Variants in TMEM178B observed in about 807,000 individuals in gnomAD.
The protein encoded by TMEM178B is transmembrane protein 178B.
Under a neutral mutation model 31.0 loss-of-function variants are expected in TMEM178B, and 5 were observed. The observed-to-expected ratio is 0.16, with a 90% confidence interval of 0.08 to 0.34. TMEM178B has a LOEUF of 0.34. TMEM178B is among the 10% of genes least tolerant of loss of function. The probability of loss-of-function intolerance (pLI) is 1.00; values close to 1 mark genes in which losing one functional copy is unlikely to be tolerated. For missense variants in TMEM178B, 275 were observed against 400.3 expected (o/e 0.69, Z 2.67); for synonymous variants, 164 against 164.0 (o/e 1.00, Z 0.00).
chr7:141,236,983 G>A (rs1357600871), intron 2 of TMEM178B, among the ~76,000 whole-genome samples: 1 of 152,196 alleles, frequency 6.6e-6, no homozygotes, highest in Non-Finnish European at 1.5e-5. Context: ...AATGCATAAA[G>A]GATGTGAACA....
At chr7:141,204,063 G>A (rs750320277) in intron 1 of TMEM178B, among the ~76,000 whole-genome samples, 6 of 152,174 alleles carry the variant, frequency 3.9e-5, no homozygotes, top group South Asian at 2.1e-4. Context: ...GTACCAGTTC[G>A]TTTTTCAAGC....
At chr7:141,434,775 C>G (rs975201258) in intron 2 of TMEM178B, among the ~76,000 whole-genome samples, 1 of 152,198 alleles carries the variant, frequency 6.6e-6, no homozygotes, top group Non-Finnish European at 1.5e-5. Context: ...TTCATCCACA[C>G]CCGTCCCAGC....
intron 3 of TMEM178B, among the ~76,000 whole-genome samples, chr7:141,456,006 C>T (rs1801955279): frequency 3.9e-5 from 6 of 152,240 alleles, no homozygotes. Context: ...GACACTTAAA[C>T]AGCTGGGGCC....
chr7:141,372,365 A>C (rs1452529618), intron 2 of TMEM178B, among the ~76,000 whole-genome samples: 1 of 152,174 alleles, frequency 6.6e-6, no homozygotes, highest in African/African-American at 2.4e-5. Flanking sequence ...CATGCAGGCC[A>C]GGTGCGCTCT....
chr7:141,197,659 G>A (rs1796805541), intron 1 of TMEM178B, among the ~76,000 whole-genome samples: 2 of 152,100 alleles, frequency 1.3e-5, no homozygotes, highest in South Asian at 4.1e-4. Context: ...TTGAGATGGA[G>A]TCTCACTGTC....
At chr7:141,155,862 C>T (rs540733220) in intron 1 of TMEM178B, among the ~76,000 whole-genome samples, 1 of 152,158 alleles carries the variant, frequency 6.6e-6, no homozygotes, top group African/African-American at 2.4e-5. Flanking sequence ...GTCAGGAATT[C>T]GAGACCAGCC....
chr7:141,306,699 C>T (rs557474268), intron 2 of TMEM178B, among the ~76,000 whole-genome samples: 22 of 151,304 alleles, frequency 1.5e-4, no homozygotes, highest in Non-Finnish European at 2.7e-4. Flanking sequence ...CTAAAAGCCT[C>T]GTCTTTGCTG....
chr7:141,128,075 C>A (rs1169053711), intron 1 of TMEM178B, among the ~76,000 whole-genome samples: 1 of 152,130 alleles, frequency 6.6e-6, no homozygotes, highest in Non-Finnish European at 1.5e-5. Context: ...AAATTATTGT[C>A]CCCTTACTGA....
At chr7:141,372,956 G>A (rs1800145846) in intron 2 of TMEM178B, among the ~76,000 whole-genome samples, 1 of 152,154 alleles carries the variant, frequency 6.6e-6, no homozygotes, top group African/African-American at 2.4e-5. Flanking sequence ...AAAAAGGAGA[G>A]GGAAATGGCT....
At chr7:141,374,925 C>T (rs1659638584) in intron 2 of TMEM178B, among the ~76,000 whole-genome samples, 1 of 152,228 alleles carries the variant, frequency 6.6e-6, no homozygotes, top group South Asian at 2.1e-4. Flanking sequence ...ACGACACCTT[C>T]TGCATCCTCT....
intron 1 of TMEM178B, among the ~76,000 whole-genome samples, chr7:141,082,351 C>T (rs930054371): frequency 2.6e-5 from 4 of 152,172 alleles, no homozygotes; most frequent in Non-Finnish European, 5.9e-5. Context: ...TCCTAGAGGG[C>T]AGGAACTGTT....
rs559479711 is a variant in TMEM178B, at chr7:141,382,075, G to A, written c.497-55533G>A. On this transcript the variant is annotated intron_variant, in intron 2 of 3. Coordinates refer to ENST00000565468, the MANE Select transcript of TMEM178B (RefSeq NM_001195278.2). ...ATTCAACGAAGTATGATCCCTCATT[G>A]GCCCATTATTCTCCATAGGGAGAAC... is the stretch of plus-strand genomic sequence containing the variant. 1.0e-3 allele frequency among the ~76,000 whole-genome samples: 158 copies of A among 152,236 alleles called. 1 individual carries two copies. Among genetic ancestry groups the A allele is most frequent in the African/African-American group, 3.6e-3 (149 of 41,536 alleles).
intron 2 of TMEM178B, among the ~76,000 whole-genome samples, chr7:141,294,329 G>A (rs1586875785): frequency 2.6e-5 from 4 of 152,274 alleles, no homozygotes; most frequent in East Asian, 1.9e-4. Flanking sequence ...AAAAGAGAAC[G>A]CAGCCCTTCT....
chr7:141,175,995 T>C (rs1796427176), intron 1 of TMEM178B, among the ~76,000 whole-genome samples: 2 of 152,224 alleles, frequency 1.3e-5, no homozygotes, highest in South Asian at 4.1e-4. Context: ...TAATACTATG[T>C]TGAATAGGAG....
At chr7:141,328,886 G>A (rs955371410) in intron 2 of TMEM178B, among the ~76,000 whole-genome samples, 3 of 151,950 alleles carry the variant, frequency 2.0e-5, no homozygotes, top group Non-Finnish European at 4.4e-5. Context: ...GAGGCTCAGA[G>A]AGTTTCTGTG....
intron 2 of TMEM178B, among the ~76,000 whole-genome samples, chr7:141,221,834 G>C (rs540338943): frequency 2.6e-5 from 4 of 152,222 alleles, no homozygotes; most frequent in Non-Finnish European, 5.9e-5. Flanking sequence ...TCCTACCAGC[G>C]TCAAGGGCAG....
chr7:141,444,761 C>G (rs1419364048), intron 3 of TMEM178B, among the ~76,000 whole-genome samples: 1 of 152,104 alleles, frequency 6.6e-6, no homozygotes, highest in Non-Finnish European at 1.5e-5. Context: ...ACCCAGCCTG[C>G]TTTCTTGCAT....
intron 1 of TMEM178B, among the ~76,000 whole-genome samples, chr7:141,183,807 C>G (rs1796567468): frequency 6.6e-6 from 1 of 152,206 alleles, no homozygotes; most frequent in East Asian, 1.9e-4. Flanking sequence ...AGAGCATTTT[C>G]TGGAAGTGAC....
chr7:141,329,021 C>CA (rs1434318569), intron 2 of TMEM178B, among the ~76,000 whole-genome samples: 1 of 152,122 alleles, frequency 6.6e-6, no homozygotes, highest in East Asian at 1.9e-4. Context: ...ATGTCCCCCC[C>CA]AGTCTATAAT....
Sources: allele counts gnomAD v4.1 joint callset (sites outside exome capture counted in the v4.1 genomes callset), GRCh38; gene constraint gnomAD v4.1.1; transcripts MANE v1.5; gene names NCBI Gene and HGNC (gene_info 2026-07-23, HGNC 2026-07-21).